TLK2: variants seen among roughly 807,000 people sequenced by gnomAD.
The protein encoded by TLK2 is tousled like kinase 2.
TLK2 carries 6 observed loss-of-function variants against 117.3 expected under a neutral mutation model. The ratio of observed to expected loss-of-function variants is 0.05; its 90% CI spans 0.03 to 0.10. TLK2 has a LOEUF of 0.10. Ranked by LOEUF, TLK2 falls within the 10% of genes least tolerant of loss-of-function variation. The pLI, the probability that TLK2 is intolerant of heterozygous loss-of-function variation, is 1.00. For synonymous variants in TLK2, 257 were observed against 316.7 expected (o/e 0.81, Z 2.00); for missense variants, 299 against 901.2 (o/e 0.33, Z 8.56).
At chr17:62,595,449 G>A (rs578136126) in intron 16 of TLK2, among the ~76,000 whole-genome samples, 1 of 152,214 alleles carries the variant, frequency 6.6e-6, no homozygotes, top group East Asian at 1.9e-4. Context: ...ATGGCTGGCA[G>A]CACAGTAGGT....
At chr17:62,586,305 G>A in intron 16 of TLK2, 79 bp downstream of exon 16, 1 of 1,003,336 alleles carries the variant, frequency 1.0e-6, no homozygotes, top group Non-Finnish European at 1.5e-6. Context: ...AGCTTTACGT[G>A]CATTGTTGTT....
intron 2 of TLK2, among the ~76,000 whole-genome samples, chr17:62,519,244 G>C (rs2075858947): frequency 1.3e-5 from 2 of 152,130 alleles, no homozygotes. Flanking sequence ...TGTTTTGCCT[G>C]TGGCTATCTA....
intron 6 of TLK2, among the ~76,000 whole-genome samples, chr17:62,529,322 C>T (rs1489165756): frequency 2.6e-5 from 4 of 152,100 alleles, no homozygotes; most frequent in South Asian, 2.1e-4. Flanking sequence ...CTACAACCTC[C>T]GCCTCCTGGG....
intron 17 of TLK2, among the ~76,000 whole-genome samples, chr17:62,596,896 G>C (rs1275084578): frequency 3.3e-5 from 5 of 152,216 alleles, no homozygotes; most frequent in African/African-American, 1.2e-4. Context: ...AGCCAGCTTG[G>C]TATGAAGAGA....
chr17:62,603,019 G>A (rs8081129), intron 19 of TLK2, among the ~76,000 whole-genome samples: 11,932 of 152,130 alleles, frequency 0.078, 1,552 homozygotes, highest in African/African-American at 0.27. Context: ...AATGGGATGA[G>A]GGATTTGCTT....
intron 12 of TLK2, among the ~76,000 whole-genome samples, chr17:62,573,749 T>C (rs1298448416): frequency 6.6e-6 from 1 of 152,198 alleles, no homozygotes; most frequent in Non-Finnish European, 1.5e-5. Flanking sequence ...TGAAGAATGC[T>C]CTTTACTGGT....
chr17:62,534,881 C>CTTTTTTTTTTT (rs386386398), intron 6 of TLK2, among the ~76,000 whole-genome samples: 1 of 73,006 alleles, frequency 1.4e-5, no homozygotes, highest in Non-Finnish European at 2.4e-5. Flanking sequence ...TAATTCCAGT[C>CTTTTTTTTTTT]TTTTTTTTTT....
At chr17:62,574,523 G>GTT in intron 12 of TLK2, 141 of 527,602 alleles carry the variant, frequency 2.7e-4, no homozygotes, top group Non-Finnish European at 3.0e-4. Context: ...TGTTGTTGTT[G>GTT]TTTTTTTTTT....
chr17:62,507,207 G>C (rs2074769889), intron 2 of TLK2, among the ~76,000 whole-genome samples: 1 of 152,024 alleles, frequency 6.6e-6, no homozygotes, highest in Non-Finnish European at 1.5e-5. Context: ...CCAGGAGGCA[G>C]AGGTTGCGGT....
At chr17:62,600,521 A>G in intron 17 of TLK2, 130 bp from the exon 18 acceptor site, 1 of 739,538 alleles carries the variant, frequency 1.4e-6, no homozygotes, top group Non-Finnish European at 2.1e-6. Context: ...ACAATTGAAG[A>G]GTATTTTAAG....
intron 2 of TLK2, among the ~76,000 whole-genome samples, chr17:62,503,070 T>C (rs1244539371): frequency 1.4e-5 from 2 of 146,348 alleles, no homozygotes; most frequent in Non-Finnish European, 3.0e-5. Flanking sequence ...TTTTTTTTTT[T>C]TTTTTTTGAG....
At chr17:62,475,486 G>T (rs1892675878), upstream of TLK2, among the ~76,000 whole-genome samples, 1 of 151,984 alleles carries the variant, frequency 6.6e-6, no homozygotes, top group Non-Finnish European at 1.5e-5. Flanking sequence ...GGGATTACAG[G>T]TGCCCACCAC....
chr17:62,581,547 C>A (rs2081222163), intron 15 of TLK2, among the ~76,000 whole-genome samples: 1 of 151,460 alleles, frequency 6.6e-6, no homozygotes, highest in South Asian at 2.1e-4. Context: ...GAAGTGTACT[C>A]CCATCTCAGC....
At chr17:62,536,514 A>G (rs2077124396) in intron 7 of TLK2, among the ~76,000 whole-genome samples, 177 bp downstream of exon 7, 1 of 152,018 alleles carries the variant, frequency 6.6e-6, no homozygotes, top group Admixed American at 6.6e-5. Flanking sequence ...TTCTAAATAT[A>G]TTGTGTTTTT....
chr17:62,511,863 C>G (rs1322962160), intron 2 of TLK2, among the ~76,000 whole-genome samples: 2 of 152,170 alleles, frequency 1.3e-5, no homozygotes, highest in Admixed American at 6.5e-5. Flanking sequence ...ATGAACAAAG[C>G]TACTCTGAAC....
chr17:62,500,833 A>G (rs564874150), intron 2 of TLK2, among the ~76,000 whole-genome samples: 3 of 152,360 alleles, frequency 2.0e-5, no homozygotes, highest in Admixed American at 1.3e-4. Flanking sequence ...TGAAAGTGAA[A>G]TAACATACTT....
intron 7 of TLK2, among the ~76,000 whole-genome samples, chr17:62,547,923 T>C (rs536424640): frequency 6.6e-6 from 1 of 152,208 alleles, no homozygotes; most frequent in South Asian, 2.1e-4. Flanking sequence ...AATGGTAACC[T>C]TAGATAGTCT....
chr17:62,573,272 A>G lies in TLK2; in HGVS notation c.1026A>G (p.Leu342=), dbSNP rs146531962. 7 of 1,613,854 alleles carry G rather than the reference A, an allele frequency of 4.3e-6. No individual in the cohort carries two copies. Among genetic ancestry groups the G allele is most frequent in the Middle Eastern group, 1.6e-4 (1 of 6,078 alleles). Residue 342 remains leucine, a synonymous_variant, in exon 12 of 22, where the codon TTA becomes TTG. Transcript: ENST00000346027. ...REEIERQRKM[L]AKRKPPAMGQ... ...AGATAGAAAGACAACGGAAAATGTT[A>G]GCAAAGCGGAAACCTCCTGCCATGG... is the stretch of plus-strand genomic sequence containing the variant.
chr17:62,550,623 T>C (rs1433957485), intron 7 of TLK2: 1 of 152,174 alleles, frequency 6.6e-6, no homozygotes. Context: ...GAGGCTGTTG[T>C]GAGCCTTCAA....
Sources: gnomAD v4.1 joint callset for allele counts (sites outside exome capture counted in the v4.1 genomes callset) on GRCh38, gnomAD v4.1.1 for gene constraint, MANE v1.5 for transcripts, NCBI Gene and HGNC (gene_info 2026-07-23, HGNC 2026-07-21) for gene names.